The following STXBP4 variants were observed in gnomAD, a reference collection of about 807,000 sequenced individuals.
The protein encoded by STXBP4 is syntaxin binding protein 4, also known as syntaxin-binding protein 4.
A neutral mutation model predicts 76.1 loss-of-function variants in STXBP4; 55 were observed. The observed-to-expected ratio is 0.72, with a 90% CI of 0.58 to 0.91. The LOEUF is 0.91. STXBP4 is among the 40% of genes least tolerant of loss of function. The pLI is 0.00. For missense variants in STXBP4, 618 were observed against 636.9 expected, an observed-to-expected ratio of 0.97 and a Z score of 0.32; for synonymous variants, 201 against 220.2, an observed-to-expected ratio of 0.91 and a Z score of 0.77.
intron 8 of STXBP4, among the ~76,000 whole-genome samples, chr17:55,008,611 C>T (rs2078050301): frequency 6.6e-6 from 1 of 152,074 alleles, no homozygotes. Flanking sequence ...TATGAACAGT[C>T]ATACAGAAGT....
rs1381387155 is a variant in STXBP4 at position 55,034,231 on chromosome 17, A to G, written c.827A>G (p.His276Arg). 4 of 1,612,110 alleles carry G rather than the reference A, an allele frequency of 2.5e-6. No individual in the cohort carries two copies. The highest frequency in any genetic ancestry group is 2.5e-6 in the Non-Finnish European group (3 of 1,178,834). ...TTGGATGAAGTAAATGTTGGTGCACATGAAATTTCCAATATATTAGATTCA... is the reference window on the plus strand; with the variant it reads ...TTGGATGAAGTAAATGTTGGTGCACGTGAAATTTCCAATATATTAGATTCA... ...LQLDEVNVGA[H>R]EISNILDSQL... The change falls in exon 10 of 18, where the codon CAT (histidine) becomes CGT (arginine). Residue 276 changes from histidine (H) to arginine (R), a missense_variant. By Grantham distance (29) the His-to-Arg change is conservative (BLOSUM62 0). Coordinates refer to ENST00000376352, the MANE Select transcript of STXBP4 (RefSeq NM_178509.6).
rs186621181 is a variant in STXBP4, at chr17:55,159,959, G to T, written c.*48G>T. ...CTACATGGATGATGTGAGCAGAGAC[G>T]CATAACATCCAATTCTGAGATGAAA... is the stretch of plus-strand genomic sequence containing the variant. On this transcript the variant is annotated 3_prime_UTR_variant, in exon 18 of 18. Transcript: ENST00000376352. 3 of 1,164,326 alleles carry T rather than the reference G, an allele frequency of 2.6e-6. No individual in the cohort carries two copies. Among genetic ancestry groups the T allele is most frequent in the Non-Finnish European group, 3.9e-6 (3 of 778,572 alleles). 72.1% of individuals were successfully genotyped at this position (1,164,326 alleles called of 1,614,324 possible).
chr17:55,148,124 A>G (rs2080177033), intron 17 of STXBP4, among the ~76,000 whole-genome samples: 1 of 152,212 alleles, frequency 6.6e-6, no homozygotes, highest in Admixed American at 6.5e-5. Context: ...AAGTTCTAAT[A>G]CGCATGGTTT....
chr17:54,997,865 G>C (rs2077841188), intron 4 of STXBP4, among the ~76,000 whole-genome samples: 1 of 150,584 alleles, frequency 6.6e-6, no homozygotes, highest in African/African-American at 2.4e-5. Context: ...TGGGTGTACA[G>C]ATGTGAGCCA....
intron 17 of STXBP4, among the ~76,000 whole-genome samples, chr17:55,149,139 C>A (rs2080188072): frequency 6.6e-6 from 1 of 152,056 alleles, no homozygotes; most frequent in African/African-American, 2.4e-5. Context: ...AATATTTTGC[C>A]CCCAAATACT....
chr17:55,084,736 A>G (rs1443019704), intron 16 of STXBP4, among the ~76,000 whole-genome samples: 39 of 152,092 alleles, frequency 2.6e-4, no homozygotes, highest in Non-Finnish European at 4.3e-4. Flanking sequence ...TATTAAATAG[A>G]GAATCCTTTC....
chr17:55,203,487 T>C, the STXBP4 span, among the ~76,000 whole-genome samples: 4 of 152,150 alleles, frequency 2.6e-5, no homozygotes, highest in Non-Finnish European at 5.9e-5. Context: ...TAAGGTGAGT[T>C]TGAAAATTGT....
chr17:55,180,336 T>C, the STXBP4 span, among the ~76,000 whole-genome samples: 2 of 152,214 alleles, frequency 1.3e-5, no homozygotes, highest in African/African-American at 4.8e-5. Context: ...TTGTTCTTCT[T>C]TGCATAAGGA....
At chr17:55,127,493 A>G (rs1484699937) in intron 16 of STXBP4, among the ~76,000 whole-genome samples, 3 of 152,192 alleles carry the variant, frequency 2.0e-5, no homozygotes, top group African/African-American at 4.8e-5. Flanking sequence ...TAATCCATCC[A>G]TGGATGGATT....
intron 16 of STXBP4, among the ~76,000 whole-genome samples, chr17:55,139,343 G>A (rs1348212519): frequency 6.6e-6 from 1 of 152,106 alleles, no homozygotes; most frequent in Non-Finnish European, 1.5e-5. Flanking sequence ...AAATTAGAAG[G>A]ACAGACACAG....
chr17:55,031,019 T>C, intron 8 of STXBP4, 149 bp from the exon 9 acceptor site: 1 of 565,014 alleles, frequency 1.8e-6, no homozygotes, highest in Non-Finnish European at 3.1e-6. Flanking sequence ...AGGCACTTAA[T>C]CCATAAAGAG....
chr17:55,098,650 G>A (rs115508446), intron 16 of STXBP4, among the ~76,000 whole-genome samples: 1,752 of 152,198 alleles, frequency 0.012, 32 homozygotes, highest in African/African-American at 0.039. Flanking sequence ...AGGATAGTTT[G>A]GATTGAGAGG....
At chr17:55,085,124 C>T (rs926520180) in intron 16 of STXBP4, among the ~76,000 whole-genome samples, 3 of 151,638 alleles carry the variant, frequency 2.0e-5, no homozygotes, top group South Asian at 2.1e-4. Context: ...AACCAAACAC[C>T]GCATATTCTC....
intron 10 of STXBP4, 32 bp from the exon 11 acceptor site, chr17:55,043,204 A>G: frequency 8.1e-7 from 1 of 1,228,684 alleles, no homozygotes; most frequent in Non-Finnish European, 1.1e-6. Flanking sequence ...CATCTAATGC[A>G]CAACTTTTCT....
At position 54,999,660 on chromosome 17, in the gene STXBP4, A is replaced by C. The variant is rs114422198; in HGVS notation, c.316A>C (p.Ile106Leu). 5.1e-5 allele frequency: 82 copies of C among 1,613,782 alleles called. No individual in the cohort carries two copies. In the East Asian group the frequency reaches 1.3e-3, roughly 25 times the overall value. ...RLESAWEIAF[I>L]RQKSDNIQPE... ...AGAATCTGCTTGGGAGATAGCATTCATAAGACAAAAATCCGACAACATTCA... is the reference window on the plus strand; with the variant it reads ...AGAATCTGCTTGGGAGATAGCATTCCTAAGACAAAAATCCGACAACATTCA... Residue 106 changes from isoleucine to leucine, a missense_variant, in exon 6 of 18, where the codon ATA (isoleucine) becomes CTA (leucine). Physicochemically the swap from Ile to Leu is conservative, Grantham distance 5 (BLOSUM62 2). Coordinates refer to ENST00000376352, the MANE Select transcript of STXBP4 (RefSeq NM_178509.6).
At position 55,170,240 on chromosome 17, in the gene STXBP4, A is replaced by C. The variant is rs1227433035; in HGVS notation, c.*10329A>C. Reference sequence around the variant, plus strand: ...TTATTAAAGCATGATTTAAAATAGAAATGATTGCCTAAATTCCTGAAAACA... The same window carrying C: ...TTATTAAAGCATGATTTAAAATAGACATGATTGCCTAAATTCCTGAAAACA... On this transcript the variant is annotated 3_prime_UTR_variant, in exon 18 of 18. Transcript: ENST00000376352. 6.6e-6 allele frequency: 1 copy of C among 152,136 alleles called. No individual in the cohort carries two copies. The highest frequency in any genetic ancestry group is 2.4e-5 in the African/African-American group (1 of 41,446). 9.4% of individuals were successfully genotyped at this position (152,136 alleles called of 1,614,324 possible). A position where few individuals can be genotyped will look rare whatever the true frequency, so the allele number is the denominator to read the frequency against.
intron 8 of STXBP4, among the ~76,000 whole-genome samples, chr17:55,027,387 G>T (rs962069768): frequency 6.6e-6 from 1 of 152,266 alleles, no homozygotes; most frequent in African/African-American, 2.4e-5. Context: ...CAAAGGAAGT[G>T]AAATAATGGA....
rs2080411126 is a variant in STXBP4, at chr17:55,172,290, C to T, written c.*12379C>T. ...AAATTTACAAAGCCTAGCCAAACCC[C>T]AGACCCATTAACCCTGACTCTCTGA... On this transcript the variant is annotated 3_prime_UTR_variant, in exon 18 of 18. Transcript: ENST00000376352. 6.6e-6 allele frequency: 1 copy of T among 152,258 alleles called. No homozygotes were observed. Among genetic ancestry groups the T allele is most frequent in the African/African-American group, 2.4e-5 (1 of 41,450 alleles). 9.4% of individuals were successfully genotyped at this position (152,258 alleles called of 1,614,324 possible). A position where few individuals can be genotyped will look rare whatever the true frequency, so the allele number is the denominator to read the frequency against.
At chr17:55,140,523 C>T (rs2080083365) in intron 16 of STXBP4, among the ~76,000 whole-genome samples, 1 of 151,982 alleles carries the variant, frequency 6.6e-6, no homozygotes, top group Admixed American at 6.6e-5. Context: ...GGGTGGAAAC[C>T]ACTGTGTTCT....
Sources: gnomAD v4.1 joint callset for allele counts (sites outside exome capture counted in the v4.1 genomes callset) on GRCh38, gnomAD v4.1.1 for gene constraint, MANE v1.5 for transcripts, NCBI Gene and HGNC (gene_info 2026-07-23, HGNC 2026-07-21) for gene names.